NR5A2: variants seen among roughly 807,000 people sequenced by gnomAD.
NR5A2 encodes the protein nuclear receptor subfamily 5 group A member 2.
NR5A2 carries 26 observed loss-of-function variants against 62.7 expected under a neutral mutation model. The observed-to-expected ratio is 0.41, with a 90% CI of 0.30 to 0.58. NR5A2 has a LOEUF of 0.58. NR5A2 is among the 20% of genes least tolerant of loss of function. The probability of loss-of-function intolerance (pLI) is 0.22; values close to 1 mark genes in which losing one functional copy is unlikely to be tolerated. For synonymous variants in NR5A2, 246 were observed against 241.7 expected (o/e 1.02, Z -0.16); for missense variants, 541 against 669.1 (o/e 0.81, Z 2.11).
chr1:200,143,615 C>T (rs1667541058), intron 7 of NR5A2, among the ~76,000 whole-genome samples: 1 of 150,776 alleles, frequency 6.6e-6, no homozygotes, highest in South Asian at 2.1e-4. Flanking sequence ...CTACTGTTCA[C>T]TGGACTCCAG....
At chr1:200,036,770 C>T (rs568898176) in intron 1 of NR5A2, among the ~76,000 whole-genome samples, 1 of 152,158 alleles carries the variant, frequency 6.6e-6, no homozygotes, top group Non-Finnish European at 1.5e-5. Context: ...TAGGAGTTCC[C>T]TTGGTTCTTA....
chr1:200,113,643 TTGAACTAAA>T (rs1254642163), intron 6 of NR5A2, among the ~76,000 whole-genome samples: 2 of 152,218 alleles, frequency 1.3e-5, no homozygotes, highest in Non-Finnish European at 1.5e-5. Context: ...TATTACCTGA[TTGAACTAAA>T]TGAGAACTAT....
intron 5 of NR5A2, among the ~76,000 whole-genome samples, chr1:200,066,238 T>G (rs1345531510): frequency 1.3e-5 from 2 of 152,012 alleles, no homozygotes; most frequent in African/African-American, 4.8e-5. Flanking sequence ...AGGATACATG[T>G]TGAGGTAAAG....
rs142287973 is a variant in NR5A2 at position 200,048,719 on chromosome 1, A to G, written c.1011A>G (p.Glu337=). The G allele has an allele frequency of 1.9e-5, 31 of 1,614,102 alleles. No individual in the cohort carries two copies. In the African/African-American group the frequency reaches 3.7e-4, roughly 19 times the overall value. The change falls in exon 5 of 8, where the codon GAA becomes GAG. Residue 337 remains glutamate (E), a synonymous_variant. Transcript: ENST00000367362. The surrounding 1 kb of genome is among the most constrained non-coding windows in gnomAD (Gnocchi z 4.8). ...QQEQANRSKH[E]KLSTFGLMCK... ...AGCAGGCTAACCGAAGCAAGCACGAAAAGCTGAGCACCTTTGGGCTTATGT... is the reference window on the plus strand; with the variant it reads ...AGCAGGCTAACCGAAGCAAGCACGAGAAGCTGAGCACCTTTGGGCTTATGT...
intron 5 of NR5A2, among the ~76,000 whole-genome samples, chr1:200,069,223 T>C (rs78824111): frequency 1.3e-5 from 2 of 152,096 alleles, no homozygotes; most frequent in Non-Finnish European, 2.9e-5. Flanking sequence ...GTAAGTTCTC[T>C]TTTAGTTCTG....
At chr1:200,098,630 C>T (rs1665213654) in intron 5 of NR5A2, among the ~76,000 whole-genome samples, 1 of 152,280 alleles carries the variant, frequency 6.6e-6, no homozygotes, top group East Asian at 1.9e-4. Context: ...GCCTGAGTTT[C>T]CTCTTCTATA....
chr1:200,172,464 A>G (rs186077603), intron 7 of NR5A2, among the ~76,000 whole-genome samples: 1 of 152,300 alleles, frequency 6.6e-6, no homozygotes, highest in Admixed American at 6.5e-5. Context: ...TGTTTGTACA[A>G]CTCATCAATG....
chr1:200,121,249 A>T (rs1236434292), intron 7 of NR5A2, among the ~76,000 whole-genome samples: 2 of 152,222 alleles, frequency 1.3e-5, no homozygotes, highest in East Asian at 3.8e-4. Context: ...GCTATGACAA[A>T]GGTTTAAAAC....
chr1:200,038,207 G>A (rs987503754), intron 1 of NR5A2, among the ~76,000 whole-genome samples: 3 of 152,174 alleles, frequency 2.0e-5, no homozygotes, highest in Non-Finnish European at 1.5e-5. Flanking sequence ...GCTGGGCCTC[G>A]GCCTCAAGTG....
chr1:200,064,931 T>TA (rs1330578593), intron 5 of NR5A2, among the ~76,000 whole-genome samples: 1 of 152,106 alleles, frequency 6.6e-6, no homozygotes, highest in Admixed American at 6.6e-5. Context: ...TAAAGAAATG[T>TA]AATGTTTTAA....
chr1:200,151,587 A>C lies in NR5A2; in HGVS notation c.1379-22376A>C, dbSNP rs187959152. On this transcript the variant is annotated intron_variant, in intron 7 of 7. Coordinates refer to ENST00000367362, the MANE Select transcript of NR5A2 (RefSeq NM_205860.3). ...CATTAGAAAAATCAACTATAGAAAA[A>C]TTATAAAATAGTATCATATTCTACA... 2.0e-5 allele frequency among the ~76,000 whole-genome samples: 3 copies of C among 152,334 alleles called. No individual in the cohort carries two copies. In the East Asian group the frequency reaches 5.8e-4, roughly 29 times the overall value.
intron 5 of NR5A2, among the ~76,000 whole-genome samples, chr1:200,058,916 C>T (rs1663057928): frequency 6.6e-6 from 1 of 150,976 alleles, no homozygotes. Context: ...TCGAGACCAG[C>T]CTGGCCAACA....
At chr1:200,068,289 A>T (rs745710772) in intron 5 of NR5A2, among the ~76,000 whole-genome samples, 1 of 152,202 alleles carries the variant, frequency 6.6e-6, no homozygotes, top group African/African-American at 2.4e-5. Flanking sequence ...GGATTTATCT[A>T]CAAAATTACA....
At chr1:200,029,257 G>A (rs1443347956) in intron 1 of NR5A2, 1 of 189,998 alleles carries the variant, frequency 5.3e-6, no homozygotes, top group East Asian at 1.8e-4. Context: ...GCGCCCGCGC[G>A]GGCGGTCTTG....
At chr1:200,087,893 A>G (rs922703389) in intron 5 of NR5A2, among the ~76,000 whole-genome samples, 2 of 151,892 alleles carry the variant, frequency 1.3e-5, no homozygotes, top group Admixed American at 6.6e-5. Context: ...CTGGGACTAC[A>G]GGCACCCACC....
rs191599647 is a variant in NR5A2 at position 200,048,524 on chromosome 1, G to A, written c.816G>A (p.Glu272=). 3.8e-5 allele frequency: 61 copies of A among 1,614,144 alleles called. No individual in the cohort carries two copies. Among genetic ancestry groups the A allele is most frequent in the African/African-American group, 5.3e-5 (4 of 75,028 alleles). The part of the protein sequence containing the change: ...GHFPSRAIKS[E]YPDPYTSSPE... ...TTCCTAGCCGGGCCATCAAGTCTGA[G>A]TACCCAGACCCCTATACCAGCTCAC... The change falls in exon 5 of 8, where the codon GAG becomes GAA. Residue 272 remains glutamate, a synonymous_variant. Transcript: ENST00000367362. The surrounding 1 kb of genome is among the most constrained non-coding windows in gnomAD (Gnocchi z 4.8).
chr1:200,172,140 A>T (rs2102398005), intron 7 of NR5A2, among the ~76,000 whole-genome samples: 1 of 152,302 alleles, frequency 6.6e-6, no homozygotes, highest in East Asian at 1.9e-4. Flanking sequence ...AATTTTTAAT[A>T]GTCATGTTTT....
At chr1:200,132,532 A>G (rs2102330561) in intron 7 of NR5A2, among the ~76,000 whole-genome samples, 1 of 152,178 alleles carries the variant, frequency 6.6e-6, no homozygotes, top group South Asian at 2.1e-4. Flanking sequence ...ATTCTCCTTG[A>G]TTACATTTTA....
At chr1:200,111,396 G>A (rs1002816870) in intron 6 of NR5A2, 75 bp downstream of exon 6, 8 of 1,500,640 alleles carry the variant, frequency 5.3e-6, no homozygotes, top group Non-Finnish European at 7.1e-6. Flanking sequence ...AATTTAACTA[G>A]GTCAGAAGCA....
Sources: gnomAD v4.1 joint callset for allele counts (sites outside exome capture counted in the v4.1 genomes callset) on GRCh38, gnomAD v4.1.1 for gene constraint, Gnocchi (gnomAD v3.1) non-coding constraint, MANE v1.5 for transcripts, NCBI Gene and HGNC (gene_info 2026-07-23, HGNC 2026-07-21) for gene names.